AMZ1: variants seen among roughly 807,000 people sequenced by gnomAD.
AMZ1 encodes archaemetzincin-1.
In AMZ1, 39 loss-of-function variants were observed where a neutral mutation model predicts 29.9. That is an observed-to-expected ratio of 1.30 (90% CI 1.01 to 1.70). The LOEUF (loss-of-function observed/expected upper bound fraction) is 1.70. Ranked by LOEUF, AMZ1 falls within the 40% of genes most tolerant of loss-of-function variation. The pLI, the probability that AMZ1 is intolerant of heterozygous loss-of-function variation, is 0.00. For missense variants in AMZ1, 1,041 were observed against 680.6 expected (o/e 1.53, Z -5.89); for synonymous variants, 458 against 304.0 (o/e 1.51, Z -5.27).
At position 2,709,199 on chromosome 7, in the gene AMZ1, C is replaced by A; in HGVS notation, c.726C>A (p.Gly242=). ...CCGAGGCCCCCCTGCAGGACAGGGGCTGGGCCCTGTGCTTCAGTGCCCTGG... is the reference window on the plus strand; with the variant it reads ...CCGAGGCCCCCCTGCAGGACAGGGGATGGGCCCTGTGCTTCAGTGCCCTGG... ...DGPEAPLQDR[G]WALCFSALGM... Residue 242 remains glycine, a synonymous_variant, in exon 5 of 7, where the codon GGC becomes GGA. Coordinates refer to ENST00000683327, the MANE Select transcript of AMZ1 (RefSeq NM_001384743.1). 1 of 1,522,218 alleles carries A rather than the reference C, an allele frequency of 6.6e-7. No individual in the cohort carries two copies. The highest frequency in any genetic ancestry group is 8.8e-7 in the Non-Finnish European group (1 of 1,136,748). The allele number at this position is 1,522,218 out of a possible 1,614,324, so 94.3% of individuals were successfully genotyped here.
upstream of AMZ1, chr7:2,762,555 G>T (rs554427715): frequency 1.9e-4 from 257 of 1,385,398 alleles, 1 homozygote; most frequent in African/African-American, 1.2e-3. Context: ...TCTGGAGTTA[G>T]ATCCAATGAC....
intron 1 of AMZ1, among the ~76,000 whole-genome samples, chr7:2,689,412 A>G (rs943735843): frequency 6.6e-6 from 1 of 152,024 alleles, no homozygotes; most frequent in African/African-American, 2.4e-5. Context: ...TCTTTGGACA[A>G]AAAAAGGCAA....
chr7:2,687,062 C>G (rs1787106997), upstream of AMZ1, among the ~76,000 whole-genome samples: 3 of 151,588 alleles, frequency 2.0e-5, no homozygotes, highest in Admixed American at 2.0e-4. Context: ...GGTGTGGTGG[C>G]TCACGCCTGT....
At chr7:2,706,076 G>A (rs1367762527) in intron 3 of AMZ1, among the ~76,000 whole-genome samples, 2 of 152,228 alleles carry the variant, frequency 1.3e-5, no homozygotes, top group African/African-American at 2.4e-5. Flanking sequence ...GAAGGTGCAC[G>A]GGGGAGCCCT....
chr7:2,704,168 C>A (rs798463), intron 3 of AMZ1, among the ~76,000 whole-genome samples: 38,078 of 152,054 alleles, frequency 0.25, 4,859 homozygotes, highest in Admixed American at 0.29. Flanking sequence ...GGATTATAGG[C>A]GTGAGCCACT....
intron 4 of AMZ1, among the ~76,000 whole-genome samples, chr7:2,740,027 G>A (rs138899901): frequency 2.3e-4 from 35 of 152,224 alleles, no homozygotes; most frequent in Middle Eastern, 3.4e-3. Flanking sequence ...TGTTCTCCAC[G>A]GCGGCTGCAC....
rs1789299398 is a variant in AMZ1, at chr7:2,719,045, T to G, written c.*6167T>G. On this transcript the variant is annotated 3_prime_UTR_variant, in exon 7 of 7. Transcript: ENST00000683327. ...TTTTTCCCCCCCATCTGAAGTGAGA[T>G]CAAACTTCTACCACATTCTACCTGT... 6.9e-6 allele frequency among the ~76,000 whole-genome samples: 1 copy of G among 145,076 alleles called. No homozygotes were observed. Among genetic ancestry groups the G allele is most frequent in the Non-Finnish European group, 1.5e-5 (1 of 66,830 alleles).
intron 4 of AMZ1, among the ~76,000 whole-genome samples, chr7:2,749,690 T>C (rs1790934527): frequency 6.6e-6 from 1 of 152,058 alleles, no homozygotes. Flanking sequence ...AAGAAAATCT[T>C]ATCAGATACA....
At chr7:2,721,402 T>G (rs1789414755), downstream of AMZ1, among the ~76,000 whole-genome samples, 1 of 152,194 alleles carries the variant, frequency 6.6e-6, no homozygotes, top group Non-Finnish European at 1.5e-5. Flanking sequence ...CAGAATCCAC[T>G]GCCACACACA....
chr7:2,738,970 C>T (rs534656855), intron 4 of AMZ1, among the ~76,000 whole-genome samples: 6 of 152,310 alleles, frequency 3.9e-5, no homozygotes, highest in African/African-American at 1.2e-4. Flanking sequence ...AAGCCTGGCA[C>T]ACAGCCACCC....
chr7:2,696,992 A>G (rs771493394), intron 1 of AMZ1, among the ~76,000 whole-genome samples: 1 of 152,238 alleles, frequency 6.6e-6, no homozygotes, highest in Admixed American at 6.5e-5. Flanking sequence ...TCAAACATCC[A>G]CATGTGGAAT....
chr7:2,745,471 A>G lies in AMZ1; in HGVS notation n.551-19241A>G, dbSNP rs550806783. On this transcript the variant is annotated intron_variant and non_coding_transcript_variant, in intron 4 of 4. Coordinates refer to the AMZ1 transcript ENST00000489665. ...ATACTTTACAGACAAGCAAATGCTG[A>G]GAGATTTTGTCACCACCAGGCCTGC... 8.5e-4 allele frequency among the ~76,000 whole-genome samples: 130 copies of G among 152,342 alleles called. 1 individual carries two copies. Among genetic ancestry groups the G allele is most frequent in the African/African-American group, 2.9e-3 (122 of 41,592 alleles).
intron 4 of AMZ1, among the ~76,000 whole-genome samples, chr7:2,745,379 A>C (rs892141858): frequency 6.6e-5 from 10 of 152,246 alleles, no homozygotes; most frequent in Non-Finnish European, 1.0e-4. Context: ...ATTCTTAAAG[A>C]AAATAATTTT....
intron 4 of AMZ1, among the ~76,000 whole-genome samples, chr7:2,756,000 C>G (rs1791274990): frequency 1.3e-5 from 2 of 152,122 alleles, no homozygotes; most frequent in Admixed American, 1.3e-4. Context: ...CAAAACACCA[C>G]AGAATAACAA....
At chr7:2,724,904 G>A (rs1372559112) in intron 4 of AMZ1, among the ~76,000 whole-genome samples, 1 of 152,168 alleles carries the variant, frequency 6.6e-6, no homozygotes, top group Non-Finnish European at 1.5e-5. Flanking sequence ...TCTCGTCCCC[G>A]CCACACCCGG....
chr7:2,755,569 A>G (rs1396012086), intron 4 of AMZ1, among the ~76,000 whole-genome samples: 1 of 152,232 alleles, frequency 6.6e-6, no homozygotes, highest in Admixed American at 6.5e-5. Context: ...CTATAGAAGT[A>G]AAATTTATAT....
At chr7:2,763,824 G>A (rs1791688702), upstream of AMZ1, among the ~76,000 whole-genome samples, 3 of 152,324 alleles carry the variant, frequency 2.0e-5, no homozygotes, top group South Asian at 6.2e-4. Flanking sequence ...CGGGACCTCT[G>A]CACTGAGATC....
intron 4 of AMZ1, among the ~76,000 whole-genome samples, chr7:2,738,226 C>A (rs1187811987): frequency 6.6e-6 from 1 of 151,786 alleles, no homozygotes; most frequent in Non-Finnish European, 1.5e-5. Flanking sequence ...ACAAGCCTGG[C>A]CAACATGGTG....
At chr7:2,763,677 G>C (rs1187286375), upstream of AMZ1, among the ~76,000 whole-genome samples, 1 of 152,256 alleles carries the variant, frequency 6.6e-6, no homozygotes, top group Non-Finnish European at 1.5e-5. Flanking sequence ...AAGATCCCTG[G>C]TAAGAATGAG....
Sources: allele counts gnomAD v4.1 joint callset (sites outside exome capture counted in the v4.1 genomes callset), GRCh38; gene constraint gnomAD v4.1.1; transcripts MANE v1.5; gene names NCBI Gene and HGNC (gene_info 2026-07-23, HGNC 2026-07-21).